Variants in COX10 observed in about 807,000 individuals in gnomAD.
The protein encoded by COX10 is cytochrome c oxidase assembly factor heme A:farnesyltransferase COX10, also known as protoheme IX farnesyltransferase, mitochondrial.
In COX10, 27 loss-of-function variants were observed where a neutral mutation model predicts 37.3. The ratio of observed to expected loss-of-function variants is 0.72; its 90% CI spans 0.53 to 1.00. The LOEUF (loss-of-function observed/expected upper bound fraction) is 1.00. Ranked by LOEUF, COX10 falls within the 50% of genes least tolerant of loss-of-function variation. The probability of loss-of-function intolerance (pLI) is 0.00; values close to 1 mark genes in which losing one functional copy is unlikely to be tolerated. For missense variants in COX10, 475 were observed against 563.2 expected, an observed-to-expected ratio of 0.84 and a Z score of 1.59; for synonymous variants, 222 against 229.1, an observed-to-expected ratio of 0.97 and a Z score of 0.28.
At chr17:14,206,514 C>T (rs1009657802) in intron 6 of COX10, among the ~76,000 whole-genome samples, 12 of 152,078 alleles carry the variant, frequency 7.9e-5, no homozygotes, top group Admixed American at 2.0e-4. Flanking sequence ...CGTCCTGCAG[C>T]GCAGGCAGCC....
At chr17:14,181,149 G>C (rs1366176317) in intron 5 of COX10, among the ~76,000 whole-genome samples, 2 of 152,210 alleles carry the variant, frequency 1.3e-5, no homozygotes, top group Non-Finnish European at 2.9e-5. Flanking sequence ...CTGAGTCTTA[G>C]AGGATGAGTA....
intron 6 of COX10, among the ~76,000 whole-genome samples, chr17:14,200,233 T>A (rs1022333721): frequency 1.3e-5 from 2 of 152,126 alleles, no homozygotes; most frequent in Admixed American, 6.5e-5. Context: ...TCAGATACCA[T>A]TTAGCTGGAA....
chr17:14,145,003 C>T (rs755694510), intron 4 of COX10, among the ~76,000 whole-genome samples: 10 of 151,848 alleles, frequency 6.6e-5, no homozygotes, highest in Non-Finnish European at 1.5e-4. Context: ...GAATAAATTT[C>T]CTAGAAAGTG....
chr17:14,102,298 G>A (rs1331066708), intron 4 of COX10, 56 bp downstream of exon 4: 3 of 1,606,306 alleles, frequency 1.9e-6, no homozygotes, highest in African/African-American at 1.4e-5. Flanking sequence ...CTAGATGGCT[G>A]TATTGTCATA....
chr17:14,147,633 G>A (rs1294794446), intron 4 of COX10, among the ~76,000 whole-genome samples: 1 of 152,080 alleles, frequency 6.6e-6, no homozygotes, highest in Non-Finnish European at 1.5e-5. Flanking sequence ...ATAACTAATA[G>A]AGTATAACTG....
At chr17:14,156,760 C>T (rs1464582340) in intron 4 of COX10, among the ~76,000 whole-genome samples, 1 of 152,200 alleles carries the variant, frequency 6.6e-6, no homozygotes, top group Non-Finnish European at 1.5e-5. Context: ...GAAAATCATC[C>T]TTGCCCTTTT....
chr17:14,207,024 C>A lies in COX10; in HGVS notation c.1143C>A (p.Phe381Leu), dbSNP rs1334083607. ...APVLDITTWT[F>L]PIMALPINAY... ...TGCTGGACATCACCACATGGACCTTCCCCATCATGGCCCTTCCCATCAATG... is the reference window on the plus strand; with the variant it reads ...TGCTGGACATCACCACATGGACCTTACCCATCATGGCCCTTCCCATCAATG... Residue 381 changes from phenylalanine (F) to leucine (L), a missense_variant, in exon 7 of 7, where the codon TTC becomes TTA. Phe to Leu is a conservative substitution (Grantham distance 22). This residue lies in a region of COX10 where 160 missense variants were observed against 180.6 expected (regional missense o/e 0.89). Transcript: ENST00000261643. 4.3e-6 allele frequency: 7 copies of A among 1,613,978 alleles called. No individual in the cohort carries two copies. The highest frequency in any genetic ancestry group is 2.5e-6 in the Non-Finnish European group (3 of 1,179,936).
At chr17:14,102,288 C>T in intron 4 of COX10, 46 bp downstream of exon 4, 1 of 1,611,370 alleles carries the variant, frequency 6.2e-7, no homozygotes. Context: ...TCACTTTTTC[C>T]TAGATGGCTG....
intron 6 of COX10, 82 bp from the exon 7 acceptor site, chr17:14,206,728 C>T: frequency 6.4e-7 from 1 of 1,571,090 alleles, no homozygotes; most frequent in Non-Finnish European, 8.7e-7. Context: ...CAGGCAGGCT[C>T]TCCCAGGAGA....
intron 3 of COX10, among the ~76,000 whole-genome samples, chr17:14,084,424 A>G (rs1915364752): frequency 6.6e-6 from 1 of 152,124 alleles, no homozygotes; most frequent in East Asian, 1.9e-4. Flanking sequence ...GAATATTTTG[A>G]TATATTCTCT....
intron 5 of COX10, among the ~76,000 whole-genome samples, chr17:14,180,685 T>C (rs549346256): frequency 1.4e-4 from 21 of 152,336 alleles, no homozygotes; most frequent in African/African-American, 5.1e-4. Context: ...ACTTAGTCTA[T>C]CACTTGTAGC....
At chr17:14,199,535 ACT>A (rs1179198470) in intron 6 of COX10, among the ~76,000 whole-genome samples, 1 of 151,992 alleles carries the variant, frequency 6.6e-6, no homozygotes, top group African/African-American at 2.4e-5. Flanking sequence ...CCTCCTCATG[ACT>A]CTGCCTGGAG....
rs141350714 is a variant in COX10, at chr17:14,200,607, G to C, written c.929-6203G>C. Among the ~76,000 whole-genome samples, 3 of 152,156 alleles carry C rather than the reference G, an allele frequency of 2.0e-5. No individual in the cohort carries two copies. The East Asian group carries it at 5.8e-4, about 29-fold the overall frequency. ...TTCTATGGAGTTGCCTTTGCAGTGG[G>C]ATTTCAGCTCCATGCTCTCAGGAAG... On this transcript the variant is annotated intron_variant, in intron 6 of 6. Transcript: ENST00000261643.
At chr17:14,194,253 G>A (rs2261148) in intron 6 of COX10, among the ~76,000 whole-genome samples, 22,044 of 148,766 alleles carry the variant, frequency 0.15, 2,087 homozygotes, top group Non-Finnish European at 0.22. Context: ...TCACACTTCC[G>A]GGCAGTTTCC....
chr17:14,086,223 G>A (rs957806993), intron 3 of COX10, among the ~76,000 whole-genome samples: 5 of 151,888 alleles, frequency 3.3e-5, no homozygotes, highest in Non-Finnish European at 7.4e-5. Flanking sequence ...ACTATGCTTA[G>A]ACTTTCCCAC....
intron 4 of COX10, among the ~76,000 whole-genome samples, chr17:14,144,409 G>A (rs901487754): frequency 6.6e-6 from 1 of 151,954 alleles, no homozygotes; most frequent in African/African-American, 2.4e-5. Context: ...TAATTGTGAG[G>A]GGATCTGCAA....
chr17:14,103,154 C>G (rs1029057850), intron 4 of COX10, among the ~76,000 whole-genome samples: 4 of 152,078 alleles, frequency 2.6e-5, no homozygotes, highest in East Asian at 3.9e-4. Flanking sequence ...TAGTGAGGTT[C>G]AAATAGTGCT....
At chr17:14,074,211 C>A in intron 1 of COX10, 112 bp from the exon 2 acceptor site, 2 of 1,120,180 alleles carry the variant, frequency 1.8e-6, no homozygotes, top group Non-Finnish European at 2.7e-6. Flanking sequence ...TGACCCATCA[C>A]ACAGTGTAGC....
At chr17:14,206,697 G>A (rs1906710559) in intron 6 of COX10, 113 bp from the exon 7 acceptor site, 1 of 1,340,242 alleles carries the variant, frequency 7.5e-7, no homozygotes, top group African/African-American at 1.4e-5. Context: ...AGAGCACAGG[G>A]TGGCAGAGCT....
Sources: gnomAD v4.1 joint callset for allele counts (sites outside exome capture counted in the v4.1 genomes callset) on GRCh38, gnomAD v4.1.1 for gene constraint, gnomAD v4.1.1 regional missense constraint, MANE v1.5 for transcripts, NCBI Gene and HGNC (gene_info 2026-07-23, HGNC 2026-07-21) for gene names.